CD302: variants seen among roughly 807,000 people sequenced by gnomAD.
CD302 encodes the protein CD302 antigen.
Under a neutral mutation model 26.5 loss-of-function variants are expected in CD302, and 23 were observed. The ratio of observed to expected loss-of-function variants is 0.87; its 90% confidence interval spans 0.62 to 1.23. The LOEUF is 1.23. Ranked by LOEUF, CD302 falls within the 50% of genes most tolerant of loss-of-function variation. CD302 has a pLI of 0.00. For missense variants in CD302, 290 were observed against 275.5 expected, an observed-to-expected ratio of 1.05 and a Z score of -0.37; for synonymous variants, 90 against 99.4, an observed-to-expected ratio of 0.91 and a Z score of 0.56.
chr2:159,777,160 A>G (rs1708359770), intron 5 of CD302, among the ~76,000 whole-genome samples: 1 of 152,176 alleles, frequency 6.6e-6, no homozygotes, highest in African/African-American at 2.4e-5. Context: ...CTGAGGTGGA[A>G]GTATCGCTTG....
chr2:159,781,829 A>G (rs1464362629), intron 2 of CD302, among the ~76,000 whole-genome samples: 4 of 152,186 alleles, frequency 2.6e-5, no homozygotes, highest in African/African-American at 9.7e-5. Flanking sequence ...ATTAAGTACT[A>G]TGTGGCGCTT....
rs779065808 is a variant in CD302, at chr2:159,780,125, C to A, written c.349G>T (p.Asp117Tyr). The A allele has an allele frequency of 6.2e-6, 10 of 1,614,134 alleles. No homozygotes were observed. In the Admixed American group the frequency reaches 1.7e-4, roughly 27 times the overall value. Residue 117 changes from aspartate to tyrosine, a missense_variant, in exon 4 of 6, where the codon GAC (aspartate) becomes TAC (tyrosine). Coordinates refer to ENST00000259053, the MANE Select transcript of CD302 (RefSeq NM_014880.5). ...ACTAAATCCTCATCATCATCTTGGTCTGTCCACTTATCAAATGTCATATTT... is the reference window on the plus strand; with the variant it reads ...ACTAAATCCTCATCATCATCTTGGTATGTCCACTTATCAAATGTCATATTT... ...NSNMTFDKWT[D>Y]QDDDEDLVDT...
At chr2:159,785,516 A>G (rs1256603509) in intron 1 of CD302, among the ~76,000 whole-genome samples, 1 of 152,242 alleles carries the variant, frequency 6.6e-6, no homozygotes, top group Non-Finnish European at 1.5e-5. Flanking sequence ...AAAGAAGTCC[A>G]GAACAGAGTC....
At chr2:159,787,492 G>A (rs1708699614) in intron 1 of CD302, among the ~76,000 whole-genome samples, 1 of 148,676 alleles carries the variant, frequency 6.7e-6, no homozygotes, top group African/African-American at 2.5e-5. Flanking sequence ...TTTTTTTTCT[G>A]TAGTAGCTAC....
intron 2 of CD302, 70 bp from the exon 3 acceptor site, chr2:159,781,068 AATAAT>A (rs1708491690): frequency 5.7e-6 from 7 of 1,229,276 alleles, no homozygotes; most frequent in Non-Finnish European, 6.9e-6. Context: ...GGTACATAAA[AATAAT>A]AAATAGTTGC....
intron 5 of CD302, among the ~76,000 whole-genome samples, chr2:159,776,450 T>C (rs1708327440): frequency 6.6e-6 from 1 of 150,816 alleles, no homozygotes; most frequent in South Asian, 2.1e-4. Flanking sequence ...GGTAATTCTT[T>C]TAATAATTTT....
chr2:159,771,795 C>T lies in CD302; in HGVS notation c.*56G>A. The T allele has an allele frequency of 6.3e-7, 1 of 1,580,554 alleles. No individual in the cohort carries two copies. The highest frequency in any genetic ancestry group is 1.1e-5 in the South Asian group (1 of 88,160). ...TCAAGTTTTATATTAAAATCTTTCC[C>T]AAGTTATCTCTGCCAGGGCATTTTG... On this transcript the variant is annotated 3_prime_UTR_variant, in exon 6 of 6. Transcript: ENST00000259053.
At chr2:159,780,847 A>G (rs1708484381) in intron 3 of CD302, 35 bp downstream of exon 3, 1 of 1,589,974 alleles carries the variant, frequency 6.3e-7, no homozygotes, top group Non-Finnish European at 8.6e-7. Flanking sequence ...AAAAAGAACA[A>G]CAAAGTCACG....
intron 1 of CD302, among the ~76,000 whole-genome samples, chr2:159,784,346 CTTTTTTTTTTTTTT>C (rs151184238): frequency 1.9e-5 from 1 of 53,066 alleles, no homozygotes; most frequent in Non-Finnish European, 3.2e-5. Flanking sequence ...TTAAGTTCTG[CTTTTTTTTTTTTTT>C]TTTTTTTTTT....
intron 1 of CD302, among the ~76,000 whole-genome samples, chr2:159,792,502 T>A (rs1708835626): frequency 6.6e-6 from 1 of 151,208 alleles, no homozygotes; most frequent in Non-Finnish European, 1.5e-5. Context: ...CATGGATATT[T>A]CAGGCAAACA....
At chr2:159,779,595 T>A (rs1017386858) in intron 4 of CD302, among the ~76,000 whole-genome samples, 1 of 151,888 alleles carries the variant, frequency 6.6e-6, no homozygotes, top group Non-Finnish European at 1.5e-5. Context: ...GAGCAAACCA[T>A]CCTATTAATA....
intron 5 of CD302, 100 bp from the exon 6 acceptor site, chr2:159,772,153 T>C (rs1708169513): frequency 1.5e-6 from 2 of 1,358,008 alleles, no homozygotes; most frequent in Admixed American, 2.4e-5. Context: ...AACATTTCTC[T>C]GTGTTGAGAA....
intron 1 of CD302, among the ~76,000 whole-genome samples, chr2:159,796,743 A>G (rs1008819658): frequency 8.5e-5 from 13 of 152,204 alleles, no homozygotes; most frequent in African/African-American, 3.1e-4. Context: ...TTTGCCCTCT[A>G]TTGCTGGTCA....
At position 159,780,914 on chromosome 2, in the gene CD302, T is replaced by A; in HGVS notation, c.263A>T (p.Asp88Val). 6.2e-7 allele frequency: 1 copy of A among 1,613,642 alleles called. No homozygotes were observed. Among genetic ancestry groups the A allele is most frequent in the Middle Eastern group, 1.7e-4 (1 of 6,060 alleles). The change falls in exon 3 of 6, where the codon GAT becomes GTT. Residue 88 changes from aspartate to valine, a missense_variant. Transcript: ENST00000259053. ...GTCATAAAACATGCCTAGTAGGATA[T>A]CATCTGGGCCTTTCCATTGCTTTTT... ...TLKKQWKGPD[D>V]ILLGMFYDTD...
At chr2:159,792,746 T>C (rs1385436124) in intron 1 of CD302, among the ~76,000 whole-genome samples, 1 of 152,158 alleles carries the variant, frequency 6.6e-6, no homozygotes, top group Non-Finnish European at 1.5e-5. Context: ...AAAAAAAATT[T>C]TTTTTTAACA....
intron 5 of CD302, among the ~76,000 whole-genome samples, chr2:159,775,988 G>C (rs1382630989): frequency 7.1e-6 from 1 of 141,416 alleles, no homozygotes; most frequent in Admixed American, 7.5e-5. Context: ...CCGGCTCACT[G>C]CAGCCTCTGC....
Position 159,771,826 on chromosome 2 carries a change from G to GTCT in CD302, c.*22_*24dup, listed in dbSNP as rs755076132. On this transcript the variant is annotated 3_prime_UTR_variant, in exon 6 of 6. Transcript: ENST00000259053. ...ATCTCTGCCAGGGCATTTTGTTGATGTCTTAGTGCAAGATTACCAAAAACT... is the reference window on the plus strand; with the variant it reads ...ATCTCTGCCAGGGCATTTTGTTGATGTCTTCTTAGTGCAAGATTACCAAAAACT... 1.9e-6 allele frequency: 3 copies of GTCT among 1,610,054 alleles called. No homozygotes were observed. Among genetic ancestry groups the GTCT allele is most frequent in the African/African-American group, 2.7e-5 (2 of 74,810 alleles).
intron 1 of CD302, among the ~76,000 whole-genome samples, chr2:159,796,875 C>T (rs184493367): frequency 1.3e-5 from 2 of 152,144 alleles, no homozygotes; most frequent in East Asian, 1.9e-4. Context: ...TGCACAGCCT[C>T]GCAGAGGGTG....
chr2:159,791,505 A>T (rs1160007092), intron 1 of CD302, among the ~76,000 whole-genome samples: 1 of 152,228 alleles, frequency 6.6e-6, no homozygotes, highest in Non-Finnish European at 1.5e-5. Context: ...AGCACTCATT[A>T]GATCCTTCTT....
Sources: gnomAD v4.1 joint callset for allele counts (sites outside exome capture counted in the v4.1 genomes callset) on GRCh38, gnomAD v4.1.1 for gene constraint, MANE v1.5 for transcripts, NCBI Gene and HGNC (gene_info 2026-07-23, HGNC 2026-07-21) for gene names.